The following ZNF469 variants were observed in gnomAD, a reference collection of about 807,000 sequenced individuals.
ZNF469 encodes the protein zinc finger protein 469.
In ZNF469, 1 loss-of-function variant was observed where a neutral mutation model predicts 1.0. That is an observed-to-expected ratio of 1.00 (90% CI 0.35 to 4.73). The LOEUF (loss-of-function observed/expected upper bound fraction) is 4.73, where lower values mean the gene tolerates loss of function less well. Ranked by LOEUF, ZNF469 falls within the 30% of genes most tolerant of loss-of-function variation. The pLI is 0.16. For missense variants in ZNF469, 6,100 were observed against 5,356.3 expected, an observed-to-expected ratio of 1.14 and a Z score of -4.33; for synonymous variants, 2,703 against 2,363.4, an observed-to-expected ratio of 1.14 and a Z score of -4.17.
the ZNF469 span, among the ~76,000 whole-genome samples, chr16:88,286,116 G>C: frequency 6.6e-6 from 1 of 152,238 alleles, no homozygotes. Flanking sequence ...ACATTCCCCT[G>C]TTGGGAACTG....
chr16:88,167,528 C>T, the ZNF469 span, among the ~76,000 whole-genome samples: 11 of 152,300 alleles, frequency 7.2e-5, no homozygotes, highest in East Asian at 1.9e-4. Context: ...GCCCACTGAG[C>T]GACACATTAG....
the ZNF469 span, among the ~76,000 whole-genome samples, chr16:88,212,602 A>G: frequency 3.3e-5 from 5 of 151,648 alleles, no homozygotes; most frequent in African/African-American, 9.7e-5. Context: ...TTTATTTTAG[A>G]CAAGGTCTCA....
chr16:88,142,452 A>G, the ZNF469 span, among the ~76,000 whole-genome samples: 1 of 152,176 alleles, frequency 6.6e-6, no homozygotes, highest in Non-Finnish European at 1.5e-5. Flanking sequence ...GACCTTGAAA[A>G]GCTCAGAGTG....
intron 1 of ZNF469, among the ~76,000 whole-genome samples, chr16:88,407,077 C>T (rs543081325): frequency 7.1e-6 from 1 of 140,218 alleles, no homozygotes; most frequent in South Asian, 2.2e-4. Flanking sequence ...TTGCTGTGAC[C>T]GCCGCACCTG....
chr16:88,247,397 T>A, the ZNF469 span, among the ~76,000 whole-genome samples: 1 of 149,466 alleles, frequency 6.7e-6, no homozygotes, highest in Non-Finnish European at 1.5e-5. Context: ...AGTCAATCAG[T>A]AAATAAGTGA....
upstream of ZNF469, among the ~76,000 whole-genome samples, chr16:88,380,936 TCACACACAGACAC>T (rs1567495742): frequency 5.4e-3 from 323 of 59,572 alleles, 6 homozygotes; most frequent in African/African-American, 0.024. Context: ...AGACACGCAC[TCACACACAGACAC>T]GCCCTCACAC....
the ZNF469 span, among the ~76,000 whole-genome samples, chr16:88,365,784 G>T: frequency 3.9e-5 from 6 of 152,264 alleles, no homozygotes; most frequent in East Asian, 1.2e-3. Context: ...TCTGTGGTCG[G>T]GGTAAGTGAG....
At chr16:88,263,672 G>A in the ZNF469 span, among the ~76,000 whole-genome samples, 1 of 152,270 alleles carries the variant, frequency 6.6e-6, no homozygotes, top group East Asian at 1.9e-4. Flanking sequence ...TTTCCGGGGG[G>A]TCCAGAGTCG....
chr16:88,376,128 G>A, the ZNF469 span, among the ~76,000 whole-genome samples: 170 of 152,370 alleles, frequency 1.1e-3, no homozygotes, highest in African/African-American at 3.7e-3. Flanking sequence ...TGTTCACGGC[G>A]CAGCCGGGCC....
chr16:88,195,653 C>A, the ZNF469 span, among the ~76,000 whole-genome samples: 1 of 152,260 alleles, frequency 6.6e-6, no homozygotes, highest in East Asian at 1.9e-4. Context: ...GGGCATGGGC[C>A]CAGCTAACAA....
At chr16:88,166,407 T>C in the ZNF469 span, among the ~76,000 whole-genome samples, 1 of 152,120 alleles carries the variant, frequency 6.6e-6, no homozygotes, top group Non-Finnish European at 1.5e-5. The surrounding 1 kb of genome is among the most constrained non-coding windows in gnomAD (Gnocchi z 4.5). Flanking sequence ...GCAATCGTTG[T>C]TTACGTTTTA....
the ZNF469 span, among the ~76,000 whole-genome samples, chr16:88,333,101 C>T: frequency 6.6e-6 from 1 of 152,212 alleles, no homozygotes; most frequent in Non-Finnish European, 1.5e-5. Flanking sequence ...CTGCTGGGAT[C>T]ATGTGCCCAC....
At chr16:88,130,014 A>G in the ZNF469 span, among the ~76,000 whole-genome samples, 10 of 152,246 alleles carry the variant, frequency 6.6e-5, no homozygotes, top group East Asian at 1.9e-3. Flanking sequence ...CTGTGGTGGC[A>G]GAAGTTTCTG....
the ZNF469 span, among the ~76,000 whole-genome samples, chr16:88,247,315 G>A: frequency 6.6e-6 from 1 of 150,836 alleles, no homozygotes; most frequent in Non-Finnish European, 1.5e-5. Context: ...GTGAGTGAAT[G>A]AGTGAGTGAA....
the ZNF469 span, among the ~76,000 whole-genome samples, chr16:88,374,914 C>G: frequency 6.6e-6 from 1 of 152,218 alleles, no homozygotes; most frequent in East Asian, 1.9e-4. Context: ...AAGGTTTTAC[C>G]TGCCCTGAGC....
At chr16:88,381,750 G>A (rs1052040365), upstream of ZNF469, among the ~76,000 whole-genome samples, 1 of 152,270 alleles carries the variant, frequency 6.6e-6, no homozygotes, top group Non-Finnish European at 1.5e-5. Flanking sequence ...CCACTGGCAG[G>A]AATGCCATGT....
chr16:88,138,215 A>G, the ZNF469 span, among the ~76,000 whole-genome samples: 2 of 152,202 alleles, frequency 1.3e-5, no homozygotes, highest in Non-Finnish European at 2.9e-5. Context: ...ATTTTGTAGT[A>G]GTTGGTGAAT....
the ZNF469 span, among the ~76,000 whole-genome samples, chr16:88,256,059 C>G: frequency 6.6e-5 from 10 of 152,100 alleles, no homozygotes; most frequent in African/African-American, 2.4e-4. Context: ...TCCAAAATGG[C>G]GATGCTCCTG....
At chr16:88,218,843 C>T in the ZNF469 span, among the ~76,000 whole-genome samples, 14 of 147,224 alleles carry the variant, frequency 9.5e-5, no homozygotes, top group African/African-American at 2.3e-4. Context: ...TGTTTGCAGA[C>T]GACATGATTG....
Sources: gnomAD v4.1 joint callset for allele counts (sites outside exome capture counted in the v4.1 genomes callset) on GRCh38, gnomAD v4.1.1 for gene constraint, Gnocchi (gnomAD v3.1) non-coding constraint, MANE v1.5 for transcripts, NCBI Gene and HGNC (gene_info 2026-07-23, HGNC 2026-07-21) for gene names.